Variants in RIMS1 observed in about 807,000 individuals in gnomAD.
The protein encoded by RIMS1 is regulating synaptic membrane exocytosis 1.
In RIMS1, 83 loss-of-function variants were observed where a neutral mutation model predicts 214.1. The observed-to-expected ratio is 0.39, with a 90% CI of 0.32 to 0.47. The LOEUF is 0.47. RIMS1 is among the 20% of genes least tolerant of loss of function. The probability of loss-of-function intolerance (pLI) is 0.99; values close to 1 mark genes in which losing one functional copy is unlikely to be tolerated. For synonymous variants in RIMS1, 793 were observed against 786.8 expected, an observed-to-expected ratio of 1.01 and a Z score of -0.13; for missense variants, 2,050 against 2,161.8, an observed-to-expected ratio of 0.95 and a Z score of 1.03.
intron 2 of RIMS1, among the ~76,000 whole-genome samples, chr6:72,018,696 A>G (rs141005125): frequency 4.6e-5 from 7 of 152,244 alleles, no homozygotes; most frequent in Admixed American, 2.0e-4. Context: ...GGAGAGAAAA[A>G]CAGGAAACCC....
At chr6:72,329,687 A>G (rs144902343) in intron 28 of RIMS1, among the ~76,000 whole-genome samples, 154 of 151,916 alleles carry the variant, frequency 1.0e-3, no homozygotes, top group Non-Finnish European at 7.1e-4. Flanking sequence ...CAAGCATGTT[A>G]GGGAATGCTC....
chr6:72,295,924 T>G, intron 26 of RIMS1: 1 of 524,844 alleles, frequency 1.9e-6, no homozygotes, highest in Non-Finnish European at 2.5e-6. Context: ...TATGTGCATT[T>G]AATTCATTGA....
intron 6 of RIMS1, among the ~76,000 whole-genome samples, chr6:72,232,425 G>A (rs2062345402): frequency 6.6e-6 from 1 of 151,594 alleles, no homozygotes; most frequent in Admixed American, 6.6e-5. Context: ...GAGAAGAAAA[G>A]TTCTTTTCTG....
chr6:71,981,037 A>G (rs1798358323), intron 2 of RIMS1, among the ~76,000 whole-genome samples: 1 of 152,116 alleles, frequency 6.6e-6, no homozygotes, highest in Non-Finnish European at 1.5e-5. Flanking sequence ...AGTGGAGAGA[A>G]TCATTCCATA....
chr6:71,936,346 A>G (rs2078378), intron 1 of RIMS1, among the ~76,000 whole-genome samples: 1 of 145,604 alleles, frequency 6.9e-6, no homozygotes, highest in Non-Finnish European at 1.5e-5. Context: ...AAAAAAAAAA[A>G]AAAAAAGAAA....
chr6:72,306,463 G>A (rs556888503), intron 26 of RIMS1, among the ~76,000 whole-genome samples: 10 of 152,226 alleles, frequency 6.6e-5, no homozygotes, highest in African/African-American at 2.4e-4. Flanking sequence ...TTAAAGGCAA[G>A]GTTTTGAAGT....
At chr6:72,126,754 A>T in intron 4 of RIMS1, 2 of 206,484 alleles carry the variant, frequency 9.7e-6, no homozygotes, top group Non-Finnish European at 2.0e-5. Flanking sequence ...GGCTGTAATT[A>T]AAAAGTTAAA....
intron 4 of RIMS1, among the ~76,000 whole-genome samples, chr6:72,130,854 C>A (rs1178119016): frequency 1.3e-5 from 2 of 151,998 alleles, no homozygotes; most frequent in Non-Finnish European, 2.9e-5. Flanking sequence ...ATACAAAGGC[C>A]AGGCATTTCT....
intron 4 of RIMS1, among the ~76,000 whole-genome samples, chr6:72,159,789 G>A (rs1456222351): frequency 7.2e-6 from 1 of 139,724 alleles, no homozygotes; most frequent in Non-Finnish European, 1.6e-5. Flanking sequence ...TTTGGTTATT[G>A]TAGCCTTGAA....
intron 27 of RIMS1, among the ~76,000 whole-genome samples, chr6:72,308,578 AAAAAT>A (rs1336569827): frequency 1.9e-4 from 29 of 152,170 alleles, no homozygotes; most frequent in Admixed American, 1.6e-3. Flanking sequence ...TGACTAATAA[AAAAAT>A]AAAATAAAAA....
intron 19 of RIMS1, chr6:72,263,247 C>G: frequency 1.0e-6 from 1 of 984,840 alleles, no homozygotes; most frequent in African/African-American, 1.7e-5. Flanking sequence ...TCTTTTCTCC[C>G]AAATTGTTTA....
intron 2 of RIMS1, among the ~76,000 whole-genome samples, chr6:71,992,852 G>A (rs1802301307): frequency 1.3e-5 from 2 of 151,972 alleles, no homozygotes; most frequent in South Asian, 4.2e-4. Flanking sequence ...GTAGAGATGG[G>A]GTTTCACCAT....
At chr6:72,165,089 A>T (rs1353277541) in intron 4 of RIMS1, among the ~76,000 whole-genome samples, 1 of 152,118 alleles carries the variant, frequency 6.6e-6, no homozygotes, top group Admixed American at 6.5e-5. Context: ...CCAATTATAC[A>T]TATATTAAAT....
chr6:72,110,452 C>G (rs1266747896), intron 4 of RIMS1, among the ~76,000 whole-genome samples: 2 of 150,224 alleles, frequency 1.3e-5, no homozygotes, highest in South Asian at 4.3e-4. Flanking sequence ...GTATTTTATT[C>G]TCTTTGAAGC....
chr6:72,359,204 C>G (rs185047906), intron 29 of RIMS1, among the ~76,000 whole-genome samples: 4 of 152,160 alleles, frequency 2.6e-5, no homozygotes, highest in Non-Finnish European at 5.9e-5. Context: ...CAGGTGGCTG[C>G]AAGATGGTGG....
chr6:72,047,468 C>T (rs992663544), intron 2 of RIMS1, among the ~76,000 whole-genome samples: 1 of 152,118 alleles, frequency 6.6e-6, no homozygotes, highest in Non-Finnish European at 1.5e-5. Context: ...CAGCCTTAAG[C>T]AGTTTGTTAA....
At chr6:72,241,863 G>A (rs2067076079) in intron 9 of RIMS1, among the ~76,000 whole-genome samples, 1 of 152,106 alleles carries the variant, frequency 6.6e-6, no homozygotes. Context: ...AATATTAATT[G>A]CTCTTTCTTC....
At chr6:72,179,333 C>G (rs1157800770) in intron 4 of RIMS1, 1 of 491,986 alleles carries the variant, frequency 2.0e-6, no homozygotes, top group Admixed American at 3.4e-5. Context: ...ATAATCAAAT[C>G]AGAAATGCTG....
chr6:72,281,643 C>T (rs542246274), intron 23 of RIMS1, among the ~76,000 whole-genome samples: 1 of 152,174 alleles, frequency 6.6e-6, no homozygotes, highest in East Asian at 1.9e-4. Context: ...CTCTTGACCC[C>T]TGCCTTCTTA....
Sources: allele counts gnomAD v4.1 joint callset (sites outside exome capture counted in the v4.1 genomes callset), GRCh38; gene constraint gnomAD v4.1.1; transcripts MANE v1.5; gene names NCBI Gene and HGNC (gene_info 2026-07-23, HGNC 2026-07-21).